The following CNTNAP2 variants were observed in gnomAD, a reference collection of about 807,000 sequenced individuals.
The protein encoded by CNTNAP2 is contactin associated protein 2.
A neutral mutation model predicts 155.2 loss-of-function variants in CNTNAP2; 98 were observed. That is an observed-to-expected ratio of 0.63 (90% CI 0.54 to 0.75). The LOEUF (loss-of-function observed/expected upper bound fraction) is 0.75. CNTNAP2 is among the 30% of genes least tolerant of loss of function. The pLI, the probability that CNTNAP2 is intolerant of heterozygous loss-of-function variation, is 0.00. For missense variants in CNTNAP2, 1,727 were observed against 1,688.1 expected (o/e 1.02, Z -0.40); for synonymous variants, 651 against 631.2 (o/e 1.03, Z -0.47).
chr7:147,376,866 G>A (rs1397292809), intron 9 of CNTNAP2, among the ~76,000 whole-genome samples: 3 of 151,764 alleles, frequency 2.0e-5, no homozygotes, highest in Non-Finnish European at 4.4e-5. Flanking sequence ...ATCTCAATAC[G>A]TTTATACTAT....
chr7:148,059,472 T>A (rs1239649664), intron 15 of CNTNAP2, among the ~76,000 whole-genome samples: 2 of 151,462 alleles, frequency 1.3e-5, no homozygotes, highest in Non-Finnish European at 2.9e-5. Flanking sequence ...ATGCCTGTAA[T>A]CCCAGCTACT....
intron 4 of CNTNAP2, among the ~76,000 whole-genome samples, chr7:147,105,961 C>G (rs1348318896): frequency 1.3e-5 from 2 of 151,942 alleles, no homozygotes; most frequent in East Asian, 3.9e-4. Flanking sequence ...TTCATCTTTT[C>G]TGTCACATTT....
At chr7:146,700,051 T>G (rs1407047992) in intron 1 of CNTNAP2, among the ~76,000 whole-genome samples, 2 of 152,082 alleles carry the variant, frequency 1.3e-5, no homozygotes, top group Non-Finnish European at 2.9e-5. Flanking sequence ...AACAAGGGGA[T>G]TTTTCTCCCA....
chr7:147,673,360 T>C (rs1238932736), intron 13 of CNTNAP2, among the ~76,000 whole-genome samples: 1 of 152,198 alleles, frequency 6.6e-6, no homozygotes, highest in African/African-American at 2.4e-5. Flanking sequence ...ATTACATACA[T>C]TATTTTATTT....
intron 19 of CNTNAP2, among the ~76,000 whole-genome samples, chr7:148,225,800 T>G (rs1482482721): frequency 6.6e-6 from 1 of 152,192 alleles, no homozygotes; most frequent in Non-Finnish European, 1.5e-5. Flanking sequence ...CCAAGAAGAC[T>G]TGGTGTCAGA....
chr7:146,929,750 T>A (rs1349946589), intron 3 of CNTNAP2, among the ~76,000 whole-genome samples: 1 of 152,044 alleles, frequency 6.6e-6, no homozygotes, highest in Non-Finnish European at 1.5e-5. Context: ...TTAAAGGAGC[T>A]GATGGAGCTG....
At chr7:147,259,641 T>C (rs534226196) in intron 8 of CNTNAP2, among the ~76,000 whole-genome samples, 3 of 152,306 alleles carry the variant, frequency 2.0e-5, no homozygotes, top group Admixed American at 2.0e-4. Context: ...GTTTATATCA[T>C]TTGCATGTGT....
intron 1 of CNTNAP2, among the ~76,000 whole-genome samples, chr7:146,648,920 A>T (rs1262620239): frequency 1.3e-5 from 2 of 152,154 alleles, no homozygotes; most frequent in African/African-American, 2.4e-5. Context: ...CAATTTAATC[A>T]TATTAAATCT....
At chr7:147,225,806 A>AGAAAGAAG (rs1344145310) in intron 8 of CNTNAP2, among the ~76,000 whole-genome samples, 1 of 108,278 alleles carries the variant, frequency 9.2e-6, no homozygotes, top group East Asian at 2.8e-4. Context: ...AAGGAAAGAA[A>AGAAAGAAG]GAAAGAAGGA....
chr7:148,124,733 G>A (rs924443434), intron 16 of CNTNAP2, among the ~76,000 whole-genome samples: 6 of 152,206 alleles, frequency 3.9e-5, no homozygotes, highest in African/African-American at 1.2e-4. Flanking sequence ...CTAAGGAAAT[G>A]AGAGCATAGA....
intron 8 of CNTNAP2, among the ~76,000 whole-genome samples, chr7:147,246,016 T>G (rs2116648309): frequency 7.3e-6 from 1 of 136,974 alleles, no homozygotes; most frequent in Non-Finnish European, 1.5e-5. Flanking sequence ...TATATATAAA[T>G]AAGACTCACA....
intron 1 of CNTNAP2, among the ~76,000 whole-genome samples, chr7:146,680,611 A>T (rs1800484905): frequency 6.6e-6 from 1 of 152,230 alleles, no homozygotes; most frequent in African/African-American, 2.4e-5. Flanking sequence ...AATACAAACC[A>T]TTCAAACCCT....
intron 1 of CNTNAP2, among the ~76,000 whole-genome samples, chr7:146,538,464 C>G (rs1344041209): frequency 6.6e-6 from 1 of 151,884 alleles, no homozygotes; most frequent in Admixed American, 6.6e-5. Context: ...ATTCATGGCA[C>G]AGGGAGGGGT....
rs372574788 is a variant in CNTNAP2 at position 147,868,261 on chromosome 7, T to C, written c.2099-35304T>C. Reference sequence around the variant, plus strand: ...GTGGTCCACTCCAGACCCTGTTTTCTTGGGTATCACCAGCAGAGGCTGCAA... The same window carrying C: ...GTGGTCCACTCCAGACCCTGTTTTCCTGGGTATCACCAGCAGAGGCTGCAA... On this transcript the variant is annotated intron_variant, in intron 13 of 23. Transcript: ENST00000361727. 3.2e-4 allele frequency among the ~76,000 whole-genome samples: 49 copies of C among 152,316 alleles called. 1 individual carries two copies. The highest frequency in any genetic ancestry group is 1.0e-3 in the African/African-American group (42 of 41,572).
At chr7:147,777,952 A>T (rs1235134234) in intron 13 of CNTNAP2, among the ~76,000 whole-genome samples, 1 of 152,136 alleles carries the variant, frequency 6.6e-6, no homozygotes, top group African/African-American at 2.4e-5. Flanking sequence ...CACAGAGCTT[A>T]TTTATACACA....
intron 1 of CNTNAP2, among the ~76,000 whole-genome samples, chr7:146,328,515 C>CTGTGTGTGTGTGTGTG (rs36098013): frequency 5.4e-5 from 8 of 147,108 alleles, no homozygotes; most frequent in African/African-American, 2.0e-4. Context: ...ACTTAGCGAC[C>CTGTGTGTGTGTGTGTG]TGTGTGTGTG....
intron 13 of CNTNAP2, among the ~76,000 whole-genome samples, chr7:147,748,293 A>G (rs965701882): frequency 6.6e-6 from 1 of 152,182 alleles, no homozygotes; most frequent in African/African-American, 2.4e-5. Context: ...CTCCAAGGTC[A>G]ATGGAGTGAG....
chr7:148,327,744 T>C (rs774443577), intron 21 of CNTNAP2, among the ~76,000 whole-genome samples: 1 of 152,184 alleles, frequency 6.6e-6, no homozygotes, highest in Non-Finnish European at 1.5e-5. Flanking sequence ...TTTGTATTTA[T>C]TACTTTTGAA....
chr7:147,847,952 G>T (rs1190042566), intron 13 of CNTNAP2, among the ~76,000 whole-genome samples: 1 of 133,018 alleles, frequency 7.5e-6, no homozygotes, highest in Non-Finnish European at 1.6e-5. Flanking sequence ...CAGTCTGCCC[G>T]TTCTCAGATC....
Sources: gnomAD v4.1 joint callset for allele counts (sites outside exome capture counted in the v4.1 genomes callset) on GRCh38, gnomAD v4.1.1 for gene constraint, MANE v1.5 for transcripts, NCBI Gene and HGNC (gene_info 2026-07-23, HGNC 2026-07-21) for gene names.